Variants in CATSPERT observed in about 807,000 individuals in gnomAD.
CATSPERT encodes the protein catsper channel auxiliary subunit tau, also known as cation channel sperm-associated targeting subunit tau.
At chr2:201,558,154 C>A in the CATSPERT span, 4 of 152,240 alleles carry the variant, frequency 2.6e-5, no homozygotes, top group Non-Finnish European at 4.4e-5. Flanking sequence ...AGGACGACTT[C>A]ACTTTTAAAC....
At chr2:201,562,341 C>A in the CATSPERT span, among the ~76,000 whole-genome samples, 1 of 151,590 alleles carries the variant, frequency 6.6e-6, no homozygotes, top group South Asian at 2.1e-4. Flanking sequence ...GCGCCCACCA[C>A]CACGCCCGGC....
At chr2:201,543,374 ACTT>A in the CATSPERT span, among the ~76,000 whole-genome samples, 4 of 152,066 alleles carry the variant, frequency 2.6e-5, no homozygotes, top group African/African-American at 9.7e-5. Context: ...TGCTTTTTCT[ACTT>A]CTGTGAAAAA....
chr2:201,487,780 G>C, the CATSPERT span: 1 of 1,614,134 alleles, frequency 6.2e-7, no homozygotes, highest in Non-Finnish European at 8.5e-7. Flanking sequence ...GTCTTGCAGA[G>C]TGTCTGGCAT....
chr2:201,553,225 C>T, the CATSPERT span: 1 of 152,224 alleles, frequency 6.6e-6, no homozygotes, highest in Non-Finnish European at 1.5e-5. Flanking sequence ...AGTTTAACTA[C>T]TCAATACATC....
the CATSPERT span, among the ~76,000 whole-genome samples, chr2:201,593,122 G>T: frequency 6.6e-6 from 1 of 151,628 alleles, no homozygotes; most frequent in Non-Finnish European, 1.5e-5. Context: ...GGCATTTAGT[G>T]CTATAAATTT....
At chr2:201,535,751 A>C in the CATSPERT span, 2 of 1,350,298 alleles carry the variant, frequency 1.5e-6, no homozygotes, top group Non-Finnish European at 1.9e-6. Context: ...ATTTGAATGC[A>C]TTTTCGATTT....
chr2:201,604,810 T>G, the CATSPERT span: 599,887 of 646,734 alleles, frequency 0.93, 280,088 homozygotes, highest in South Asian at 0.98. Flanking sequence ...CTCCTCGGTA[T>G]TGGGGTATTA....
the CATSPERT span, among the ~76,000 whole-genome samples, chr2:201,564,062 G>C: frequency 6.6e-6 from 1 of 152,156 alleles, no homozygotes; most frequent in South Asian, 2.1e-4. Context: ...GAAAACACCC[G>C]GTTGGGACCC....
At chr2:201,523,033 G>A in the CATSPERT span, among the ~76,000 whole-genome samples, 1 of 152,166 alleles carries the variant, frequency 6.6e-6, no homozygotes, top group East Asian at 1.9e-4. Context: ...CCATCAGAGA[G>A]CTTTTGTAGA....
the CATSPERT span, among the ~76,000 whole-genome samples, chr2:201,560,423 A>AAATAATAAT: frequency 1.9e-3 from 246 of 126,460 alleles, 1 homozygote; most frequent in Non-Finnish European, 3.4e-3. Flanking sequence ...ACTCTGTCTC[A>AAATAATAAT]AATAATAATA....
At chr2:201,581,251 CA>C in the CATSPERT span, among the ~76,000 whole-genome samples, 4 of 150,800 alleles carry the variant, frequency 2.7e-5, no homozygotes, top group African/African-American at 9.8e-5. Context: ...ACTAAAAACA[CA>C]AAAAGCAGTC....
chr2:201,547,292 T>G, the CATSPERT span, among the ~76,000 whole-genome samples: 37 of 152,240 alleles, frequency 2.4e-4, no homozygotes, highest in East Asian at 7.1e-3. Flanking sequence ...ATGAATGATA[T>G]CCTTATAAAT....
chr2:201,502,467 G>A, the CATSPERT span, among the ~76,000 whole-genome samples: 1 of 151,890 alleles, frequency 6.6e-6, no homozygotes, highest in Non-Finnish European at 1.5e-5. Flanking sequence ...AGCTACTCAG[G>A]AGGCTGAGGC....
the CATSPERT span, among the ~76,000 whole-genome samples, chr2:201,548,572 C>G: frequency 6.6e-6 from 1 of 151,348 alleles, no homozygotes; most frequent in African/African-American, 2.4e-5. Context: ...CACAATAAAA[C>G]AAGTGAAAAA....
the CATSPERT span, among the ~76,000 whole-genome samples, chr2:201,611,669 T>C: frequency 6.7e-6 from 1 of 148,300 alleles, no homozygotes; most frequent in African/African-American, 2.5e-5. Flanking sequence ...AAACTAAGGA[T>C]TGCACAGCAA....
chr2:201,522,288 C>T, the CATSPERT span, among the ~76,000 whole-genome samples: 3 of 152,226 alleles, frequency 2.0e-5, no homozygotes, highest in East Asian at 5.8e-4. Context: ...ACTCTTATAA[C>T]TGATCAATGA....
At chr2:201,547,098 C>T in the CATSPERT span, among the ~76,000 whole-genome samples, 3 of 152,006 alleles carry the variant, frequency 2.0e-5, no homozygotes, top group African/African-American at 7.2e-5. Context: ...AGAAAGTTGA[C>T]TAATTGCTGC....
the CATSPERT span, among the ~76,000 whole-genome samples, chr2:201,593,917 C>T: frequency 1.3e-5 from 2 of 151,922 alleles, no homozygotes; most frequent in Non-Finnish European, 2.9e-5. Context: ...ACTGATGGGT[C>T]TTGACTCTTT....
At chr2:201,521,562 A>G in the CATSPERT span, among the ~76,000 whole-genome samples, 4 of 152,174 alleles carry the variant, frequency 2.6e-5, no homozygotes. Flanking sequence ...TGATGCAATC[A>G]TCTCCCACAA....
Sources: gnomAD v4.1 joint callset for allele counts (sites outside exome capture counted in the v4.1 genomes callset) on GRCh38, gnomAD v4.1.1 for gene constraint, MANE v1.5 for transcripts, NCBI Gene and HGNC (gene_info 2026-07-23, HGNC 2026-07-21) for gene names.